SMIM14: variants seen among roughly 807,000 people sequenced by gnomAD.
SMIM14 encodes the protein small integral membrane protein 14.
In SMIM14, 5 loss-of-function variants were observed where a neutral mutation model predicts 12.6. That is an observed-to-expected ratio of 0.40 (90% CI 0.21 to 0.83). SMIM14 has a LOEUF of 0.83. Ranked by LOEUF, SMIM14 falls within the 40% of genes least tolerant of loss-of-function variation. SMIM14 has a pLI of 0.37. For synonymous variants in SMIM14, 30 were observed against 40.1 expected (o/e 0.75, Z 0.95); for missense variants, 86 against 119.1 (o/e 0.72, Z 1.29).
chr4:39,586,915 A>G (rs1299934195), intron 2 of SMIM14, among the ~76,000 whole-genome samples: 1 of 151,974 alleles, frequency 6.6e-6, no homozygotes, highest in Non-Finnish European at 1.5e-5. Context: ...ACTGGCTTGT[A>G]GATAGAGGTC....
intron 4 of SMIM14, among the ~76,000 whole-genome samples, chr4:39,553,188 G>C (rs1560280252): frequency 1.3e-5 from 2 of 151,596 alleles, no homozygotes; most frequent in Non-Finnish European, 2.9e-5. Context: ...AGCCTCCCGA[G>C]TAGCTGGGAT....
chr4:39,628,720 CTTT>C lies in SMIM14; in HGVS notation c.-36+10016_-36+10018del, dbSNP rs541461723. On this transcript the variant is annotated intron_variant, in intron 1 of 4. Transcript: ENST00000295958. ...AACAAAAACTCAGGAAAATGTTTTT[CTTT>C]TTTTTTTTTTTTCTTTTTTCTTTTT... Among the ~76,000 whole-genome samples the C allele has an allele frequency of 3.7e-3, 499 of 135,276 alleles. 2 individuals are homozygous for C. The highest frequency in any genetic ancestry group is 0.013 in the African/African-American group (473 of 37,276). 88.7% of individuals were successfully genotyped at this position (135,276 alleles called of 152,430 possible).
At chr4:39,571,781 T>C (rs576583465) in intron 3 of SMIM14, among the ~76,000 whole-genome samples, 1 of 151,988 alleles carries the variant, frequency 6.6e-6, no homozygotes, top group Non-Finnish European at 1.5e-5. Flanking sequence ...ACAGTGGTTA[T>C]CTTTAACTAT....
intron 1 of SMIM14, among the ~76,000 whole-genome samples, chr4:39,626,555 A>G (rs1418033490): frequency 6.6e-6 from 1 of 152,228 alleles, no homozygotes; most frequent in Non-Finnish European, 1.5e-5. Flanking sequence ...GGACAAAGTA[A>G]CCAGCAAGAG....
chr4:39,591,127 T>TAG (rs1714056955), intron 2 of SMIM14, among the ~76,000 whole-genome samples: 1 of 152,078 alleles, frequency 6.6e-6, no homozygotes, highest in African/African-American at 2.4e-5. Context: ...AAATTGTCTC[T>TAG]AGGTTACTTA....
chr4:39,549,612 C>G lies in SMIM14; in HGVS notation c.*2514G>C, dbSNP rs1711565231. 6.6e-6 allele frequency: 1 copy of G among 152,214 alleles called. No individual in the cohort carries two copies. The allele number at this position is 152,214 out of a possible 1,614,324, so 9.4% of individuals were successfully genotyped here. A position where few individuals can be genotyped will look rare whatever the true frequency, so the allele number is the denominator to read the frequency against. On this transcript the variant is annotated 3_prime_UTR_variant, in exon 5 of 5. Transcript: ENST00000295958. ...TTCAATTATTTGTGAGCCATAGATT[C>G]AGTGACTACATCAATATCTCTTGCC...
intron 1 of SMIM14, among the ~76,000 whole-genome samples, chr4:39,622,728 A>G (rs1409896452): frequency 1.3e-5 from 2 of 152,234 alleles, no homozygotes; most frequent in African/African-American, 4.8e-5. Context: ...AAGGCATAGG[A>G]AAACACATAC....
At position 39,547,392 on chromosome 4, in the gene SMIM14, C is replaced by T. The variant is rs1747382007; in HGVS notation, c.*4734G>A. On this transcript the variant is annotated 3_prime_UTR_variant, in exon 5 of 5. Transcript: ENST00000295958. ...ACTCAGAAAAAGATTAACAACAGAC[C>T]CTGGATGGCACAGACATAATTTGTT... 6.6e-6 allele frequency: 1 copy of T among 152,102 alleles called. No individual in the cohort carries two copies. The highest frequency in any genetic ancestry group is 6.6e-5 in the Admixed American group (1 of 15,262). 9.4% of individuals were successfully genotyped at this position (152,102 alleles called of 1,614,324 possible).
intron 1 of SMIM14, among the ~76,000 whole-genome samples, chr4:39,616,899 T>C (rs996240221): frequency 6.6e-6 from 1 of 152,162 alleles, no homozygotes; most frequent in African/African-American, 2.4e-5. Flanking sequence ...AATTCCAGTA[T>C]GCTCAGTGTG....
At chr4:39,579,218 G>A (rs911360270) in intron 2 of SMIM14, among the ~76,000 whole-genome samples, 1 of 151,542 alleles carries the variant, frequency 6.6e-6, no homozygotes, top group African/African-American at 2.4e-5. Context: ...AGAACAGCCT[G>A]GGCAACATGG....
chr4:39,623,982 G>A (rs1270063653), intron 1 of SMIM14, among the ~76,000 whole-genome samples: 2 of 152,124 alleles, frequency 1.3e-5, no homozygotes, highest in African/African-American at 2.4e-5. Context: ...AAAATAGAAC[G>A]TATGCAATTA....
At chr4:39,624,455 T>C (rs1260822297) in intron 1 of SMIM14, among the ~76,000 whole-genome samples, 2 of 152,182 alleles carry the variant, frequency 1.3e-5, no homozygotes, top group Admixed American at 6.5e-5. Flanking sequence ...TGACCAATCA[T>C]GCTAGTTATG....
chr4:39,570,353 G>A (rs1249505876), intron 3 of SMIM14, among the ~76,000 whole-genome samples: 1 of 151,986 alleles, frequency 6.6e-6, no homozygotes, highest in Non-Finnish European at 1.5e-5. Context: ...TAGAGACAGG[G>A]TTTCCATGTT....
intron 3 of SMIM14, among the ~76,000 whole-genome samples, chr4:39,567,143 GAA>G (rs1168446466): frequency 0.069 from 4,946 of 71,454 alleles, 51 homozygotes; most frequent in African/African-American, 0.19. Context: ...CTCAAAAAAA[GAA>G]AAAAAAAAAA....
In SMIM14 at chr4:39,618,653, AAAAAAAAAAAAC is replaced by A. The variant is rs1330298065; in HGVS notation, c.-35-13485_-35-13474del. 2.8e-4 allele frequency among the ~76,000 whole-genome samples: 43 copies of A among 150,948 alleles called. No individual in the cohort carries two copies. The South Asian group carries it at 8.2e-3, about 29-fold the overall frequency. ...CGACAGAGCGAGACTCCATCTCAAA[AAAAAAAAAAAAC>A]AAAAAAAAAAAACCAAAGCCCAGTG... On this transcript the variant is annotated intron_variant, in intron 1 of 4. Transcript: ENST00000295958.
intron 2 of SMIM14, among the ~76,000 whole-genome samples, chr4:39,575,482 G>A (rs1386800441): frequency 1.3e-5 from 2 of 151,408 alleles, no homozygotes; most frequent in South Asian, 2.1e-4. Flanking sequence ...AAACAGTCAT[G>A]AGCCACCATG....
intron 3 of SMIM14, among the ~76,000 whole-genome samples, chr4:39,560,940 C>A (rs1712279468): frequency 6.6e-6 from 1 of 152,300 alleles, no homozygotes; most frequent in South Asian, 2.1e-4. Context: ...GCTACCATAA[C>A]CTCTTATCTG....
intron 2 of SMIM14, among the ~76,000 whole-genome samples, chr4:39,576,896 A>G (rs941300783): frequency 6.7e-6 from 1 of 150,062 alleles, no homozygotes; most frequent in African/African-American, 2.4e-5. Context: ...TTTTCAGTAG[A>G]GATAGGGTTT....
At chr4:39,585,589 G>A (rs1228210381) in intron 2 of SMIM14, among the ~76,000 whole-genome samples, 3 of 152,000 alleles carry the variant, frequency 2.0e-5, no homozygotes, top group Admixed American at 6.5e-5. Context: ...GAGCCACTGC[G>A]CCCAGCCTAC....
Sources: gnomAD v4.1 joint callset for allele counts (sites outside exome capture counted in the v4.1 genomes callset) on GRCh38, gnomAD v4.1.1 for gene constraint, MANE v1.5 for transcripts, NCBI Gene and HGNC (gene_info 2026-07-23, HGNC 2026-07-21) for gene names.